TNR: variants seen among roughly 807,000 people sequenced by gnomAD.
The protein encoded by TNR is tenascin R.
A neutral mutation model predicts 150.4 loss-of-function variants in TNR; 45 were observed. The ratio of observed to expected loss-of-function variants is 0.30; its 90% CI spans 0.24 to 0.38. The LOEUF (loss-of-function observed/expected upper bound fraction) is 0.38. TNR is among the 10% of genes least tolerant of loss of function. TNR has a pLI of 1.00. For synonymous variants in TNR, 687 were observed against 678.4 expected, an observed-to-expected ratio of 1.01 and a Z score of -0.20; for missense variants, 1,544 against 1,759.1, an observed-to-expected ratio of 0.88 and a Z score of 2.19.
At chr1:175,526,628 C>G (rs1659857168) in intron 2 of TNR, among the ~76,000 whole-genome samples, 1 of 152,204 alleles carries the variant, frequency 6.6e-6, no homozygotes, top group Admixed American at 6.5e-5. Flanking sequence ...AGCTGAAAAC[C>G]TATCTGGGAC....
chr1:175,476,672 A>AG (rs1657556790), intron 2 of TNR, among the ~76,000 whole-genome samples: 1 of 152,232 alleles, frequency 6.6e-6, no homozygotes, highest in Non-Finnish European at 1.5e-5. Flanking sequence ...GGTGCTGGAA[A>AG]GTGGAGTAAT....
chr1:175,681,116 A>AG (rs936308403), intron 1 of TNR, among the ~76,000 whole-genome samples: 2 of 152,182 alleles, frequency 1.3e-5, no homozygotes, highest in Non-Finnish European at 2.9e-5. Context: ...GACAGGAAGA[A>AG]GGGGGGCAGG....
chr1:175,383,221 T>A (rs1235325601), intron 8 of TNR, among the ~76,000 whole-genome samples: 1 of 152,212 alleles, frequency 6.6e-6, no homozygotes, highest in Admixed American at 6.5e-5. Flanking sequence ...CTGCAAAAAC[T>A]CTATATCCAA....
At chr1:175,358,727 C>A (rs373644941) in intron 15 of TNR, among the ~76,000 whole-genome samples, 6 of 152,214 alleles carry the variant, frequency 3.9e-5, no homozygotes, top group Non-Finnish European at 7.3e-5. Context: ...TTGGGCTTCT[C>A]TGTTCTGTTC....
At chr1:175,551,503 G>A (rs968846771) in intron 1 of TNR, among the ~76,000 whole-genome samples, 1 of 152,228 alleles carries the variant, frequency 6.6e-6, no homozygotes, top group Admixed American at 6.5e-5. Flanking sequence ...TGGGGTGCCA[G>A]TGAAGGGAGT....
intron 2 of TNR, among the ~76,000 whole-genome samples, chr1:175,471,913 C>T (rs947281367): frequency 6.6e-6 from 1 of 151,954 alleles, no homozygotes; most frequent in Non-Finnish European, 1.5e-5. Flanking sequence ...TTTTAGATCC[C>T]CATTTCTTAA....
At chr1:175,555,223 C>T (rs80318754) in intron 1 of TNR, among the ~76,000 whole-genome samples, 1,691 of 152,164 alleles carry the variant, frequency 0.011, 22 homozygotes, top group African/African-American at 0.038. Flanking sequence ...TCTTCCCCAC[C>T]CCCTATAGAT....
intron 1 of TNR, among the ~76,000 whole-genome samples, chr1:175,661,373 G>GC (rs1306254553): frequency 2.0e-5 from 3 of 152,156 alleles, no homozygotes; most frequent in African/African-American, 4.8e-5. Context: ...ACTGTTTTAA[G>GC]CCCCCCTAAA....
chr1:175,737,255 T>G (rs1667797234), intron 1 of TNR, among the ~76,000 whole-genome samples: 1 of 152,204 alleles, frequency 6.6e-6, no homozygotes, highest in Non-Finnish European at 1.5e-5. Context: ...AGAAAGTCAT[T>G]TAGCATCACT....
At chr1:175,539,051 T>C (rs1428116472) in intron 1 of TNR, 3 of 152,244 alleles carry the variant, frequency 2.0e-5, no homozygotes, top group Non-Finnish European at 4.4e-5. Flanking sequence ...AAGACACACA[T>C]AATGACTTTT....
At chr1:175,365,623 CA>C (rs1442342299) in intron 11 of TNR, among the ~76,000 whole-genome samples, 3 of 152,234 alleles carry the variant, frequency 2.0e-5, no homozygotes, top group Non-Finnish European at 4.4e-5. Context: ...TGGACAGAAT[CA>C]ACTACTATGT....
At chr1:175,546,902 C>G (rs186585078) in intron 1 of TNR, among the ~76,000 whole-genome samples, 2 of 152,158 alleles carry the variant, frequency 1.3e-5, no homozygotes, top group Non-Finnish European at 2.9e-5. Flanking sequence ...TCAAGTTGAC[C>G]AGAGTCAATT....
intron 2 of TNR, among the ~76,000 whole-genome samples, chr1:175,419,032 T>C (rs1373958862): frequency 6.6e-6 from 1 of 152,224 alleles, no homozygotes; most frequent in Non-Finnish European, 1.5e-5. Flanking sequence ...TTATCGCTTA[T>C]CTTATTTTGC....
intron 1 of TNR, among the ~76,000 whole-genome samples, chr1:175,704,472 C>A (rs1666791206): frequency 6.6e-6 from 1 of 152,122 alleles, no homozygotes; most frequent in Non-Finnish European, 1.5e-5. Flanking sequence ...AGAAGGGAAA[C>A]AAAATTAGGT....
chr1:175,685,470 A>C (rs1666161383), intron 1 of TNR, among the ~76,000 whole-genome samples: 1 of 152,126 alleles, frequency 6.6e-6, no homozygotes, highest in South Asian at 2.1e-4. Context: ...AACTGTGGGG[A>C]TAAGGTTAAG....
intron 1 of TNR, among the ~76,000 whole-genome samples, chr1:175,735,457 G>C (rs913154710): frequency 6.6e-6 from 1 of 152,112 alleles, no homozygotes; most frequent in African/African-American, 2.4e-5. Context: ...GGCTTATTAG[G>C]GTATATGTTT....
chr1:175,484,772 A>G (rs903355122), intron 2 of TNR, among the ~76,000 whole-genome samples: 6 of 152,176 alleles, frequency 3.9e-5, no homozygotes, highest in Admixed American at 2.6e-4. Context: ...AGATGCAGAG[A>G]TGTCTTTGAG....
At chr1:175,553,735 T>C (rs1661034618) in intron 1 of TNR, among the ~76,000 whole-genome samples, 1 of 151,736 alleles carries the variant, frequency 6.6e-6, no homozygotes, top group Non-Finnish European at 1.5e-5. Context: ...GTATGATAAA[T>C]AATTTCAGCC....
chr1:175,671,685 T>C (rs961553710), intron 1 of TNR, among the ~76,000 whole-genome samples: 1 of 152,250 alleles, frequency 6.6e-6, no homozygotes, highest in East Asian at 1.9e-4. Context: ...AAAGTATTCA[T>C]TGTTTACTAA....
Sources: gnomAD v4.1 joint callset for allele counts (sites outside exome capture counted in the v4.1 genomes callset) on GRCh38, gnomAD v4.1.1 for gene constraint, MANE v1.5 for transcripts, NCBI Gene and HGNC (gene_info 2026-07-23, HGNC 2026-07-21) for gene names.